The following CSNK2B variants were observed in gnomAD, a reference collection of about 807,000 sequenced individuals.
CSNK2B encodes casein kinase II subunit beta.
In CSNK2B, 2 loss-of-function variants were observed where a neutral mutation model predicts 28.8. That is an observed-to-expected ratio of 0.07 (90% CI 0.03 to 0.22). CSNK2B has a LOEUF of 0.22. CSNK2B is among the 10% of genes least tolerant of loss of function. The probability of loss-of-function intolerance (pLI) is 1.00; values close to 1 mark genes in which losing one functional copy is unlikely to be tolerated. For synonymous variants in CSNK2B, 89 were observed against 96.1 expected, an observed-to-expected ratio of 0.93 and a Z score of 0.43; for missense variants, 107 against 277.9, an observed-to-expected ratio of 0.39 and a Z score of 4.37.
Position 31,666,101 on chromosome 6 carries a change from A to T in CSNK2B, c.-119A>T, listed in dbSNP as rs1162809123. On this transcript the variant is annotated 5_prime_UTR_variant, in exon 1 of 7. Transcript: ENST00000375882. ...CCCTAATTTCCACTCCCCCCACCCC[A>T]CTTCGCCTGCCGCGGTCGGGTCCGC... The T allele has an allele frequency of 1.0e-6, 1 of 965,662 alleles. No individual in the cohort carries two copies. The highest frequency in any genetic ancestry group is 4.5e-5 in the South Asian group (1 of 22,276). 59.8% of individuals were successfully genotyped at this position (965,662 alleles called of 1,614,324 possible). A position where few individuals can be genotyped will look rare whatever the true frequency, so the allele number is the denominator to read the frequency against.
chr6:31,669,607 C>T lies in CSNK2B; in HGVS notation c.557+99C>T. On this transcript the variant is annotated intron_variant, in intron 6 of 6. Coordinates refer to ENST00000375882, the MANE Select transcript of CSNK2B (RefSeq NM_001320.7). This position sits in a 1 kb window ranked among gnomAD's most constrained non-coding sequence, Gnocchi z 4.8. ...GGCCCTTTCTTGAGGTCTGCTTCTCCCAGAATCAGGGCATCTCCCTGCTGA... is the reference window on the plus strand; with the variant it reads ...GGCCCTTTCTTGAGGTCTGCTTCTCTCAGAATCAGGGCATCTCCCTGCTGA... 1 of 1,345,690 alleles carries T rather than the reference C, an allele frequency of 7.4e-7. No individual in the cohort carries two copies. Among genetic ancestry groups the T allele is most frequent in the Non-Finnish European group, 1.0e-6 (1 of 983,122 alleles). The allele number at this position is 1,345,690 out of a possible 1,614,324, so 83.4% of individuals were successfully genotyped here. A position where few individuals can be genotyped will look rare whatever the true frequency, so the allele number is the denominator to read the frequency against.
intron 3 of CSNK2B, 28 bp from the exon 4 acceptor site, chr6:31,668,511 A>C (rs772204522): frequency 6.3e-7 from 1 of 1,593,744 alleles, no homozygotes; most frequent in South Asian, 1.1e-5. Flanking sequence ...AAAAACAAGT[A>C]GTTGCATTTG....
At chr6:31,668,711 T>A in intron 4 of CSNK2B, 57 bp downstream of exon 4, 1 of 1,497,186 alleles carries the variant, frequency 6.7e-7, no homozygotes, top group Non-Finnish European at 9.3e-7. Flanking sequence ...CACAGGTTCC[T>A]GCAGCAAGAA....
Position 31,669,807 on chromosome 6 carries a change from C to A in CSNK2B, c.558-29C>A, listed in dbSNP as rs570941441. 4.4e-6 allele frequency: 7 copies of A among 1,584,554 alleles called. No homozygotes were observed. The East Asian group carries it at 1.6e-4, about 35-fold the overall frequency. On this transcript the variant is annotated intron_variant, in intron 6 of 6. Coordinates refer to ENST00000375882, the MANE Select transcript of CSNK2B (RefSeq NM_001320.7). The surrounding 1 kb of genome is among the most constrained non-coding windows in gnomAD (Gnocchi z 4.8). ...CAGGGCCTGGATGGGGCTCATGCTG[C>A]TGCCTCTCTGACCTCTGCCCTGGCC...
In CSNK2B at chr6:31,666,122, T is replaced by C; in HGVS notation, c.-98T>C. On this transcript the variant is annotated 5_prime_UTR_variant, in exon 1 of 7. Coordinates refer to ENST00000375882, the MANE Select transcript of CSNK2B (RefSeq NM_001320.7). Reference sequence around the variant, plus strand: ...CCCCACTTCGCCTGCCGCGGTCGGGTCCGCGGCCTGCGCTGTAGCGGTCGC... The same window carrying C: ...CCCCACTTCGCCTGCCGCGGTCGGGCCCGCGGCCTGCGCTGTAGCGGTCGC... The C allele has an allele frequency of 1.0e-6, 1 of 993,338 alleles. No homozygotes were observed. Among genetic ancestry groups the C allele is most frequent in the Non-Finnish European group, 1.2e-6 (1 of 833,642 alleles). The allele number at this position is 993,338 out of a possible 1,614,324, so 61.5% of individuals were successfully genotyped here.
At chr6:31,667,759 C>T in intron 2 of CSNK2B, 109 bp from the exon 3 acceptor site, 1 of 539,044 alleles carries the variant, frequency 1.9e-6, no homozygotes, top group Non-Finnish European at 3.2e-6. Context: ...GAGAAACAAG[C>T]ACAACAGATG....
intron 3 of CSNK2B, 200 bp downstream of exon 3, chr6:31,668,170 G>A (rs1034640764): frequency 2.2e-5 from 14 of 629,020 alleles, no homozygotes; most frequent in African/African-American, 4.1e-5. Context: ...TTCTAAATCC[G>A]CAATTCAGAC....
At chr6:31,666,674 T>A (rs1257344091) in intron 1 of CSNK2B, 147 bp from the exon 2 acceptor site, 3 of 621,456 alleles carry the variant, frequency 4.8e-6, no homozygotes, top group Non-Finnish European at 8.6e-6. Flanking sequence ...TTAGAGGAGC[T>A]GGAGAGGAGT....
chr6:31,670,000 G>C lies in CSNK2B; in HGVS notation c.*74G>C. Reference sequence around the variant, plus strand: ...GCCACCCTTTCAGGAACCCTGTATGGTTTTTAGTTTAAATTAAAGGAGTCG... The same window carrying C: ...GCCACCCTTTCAGGAACCCTGTATGCTTTTTAGTTTAAATTAAAGGAGTCG... On this transcript the variant is annotated 3_prime_UTR_variant, in exon 7 of 7. Transcript: ENST00000375882. This position sits in a 1 kb window ranked among gnomAD's most constrained non-coding sequence, Gnocchi z 4.8. 1 of 1,249,166 alleles carries C rather than the reference G, an allele frequency of 8.0e-7. No homozygotes were observed. Among genetic ancestry groups the C allele is most frequent in the Non-Finnish European group, 1.1e-6 (1 of 901,164 alleles). The allele number at this position is 1,249,166 out of a possible 1,614,324, so 77.4% of individuals were successfully genotyped here.
chr6:31,667,730 C>T (rs1416737676), intron 2 of CSNK2B, 138 bp from the exon 3 acceptor site: 3 of 494,852 alleles, frequency 6.1e-6, no homozygotes, highest in Non-Finnish European at 1.1e-5. Flanking sequence ...GACACAAGTA[C>T]TTCTGCTGAG....
At chr6:31,667,029 C>G in intron 2 of CSNK2B, 126 bp downstream of exon 2, 1 of 865,752 alleles carries the variant, frequency 1.2e-6, no homozygotes, top group Non-Finnish European at 1.9e-6. Flanking sequence ...AGCAAAGAGT[C>G]CCCCCTATAA....
In CSNK2B at chr6:31,669,929, C is replaced by A. The variant is rs370990220; in HGVS notation, c.*3C>A. ...GCCCAGTCAAGACGATTCGCTGATT[C>A]CCTCCCCCACCTGTCCTGCAGTCTT... On this transcript the variant is annotated 3_prime_UTR_variant, in exon 7 of 7. Transcript: ENST00000375882. This position sits in a 1 kb window ranked among gnomAD's most constrained non-coding sequence, Gnocchi z 4.8. 6.2e-7 allele frequency: 1 copy of A among 1,611,596 alleles called. No homozygotes were observed. The highest frequency in any genetic ancestry group is 8.5e-7 in the Non-Finnish European group (1 of 1,179,300).
chr6:31,668,136 A>T (rs1312991621), intron 3 of CSNK2B, 166 bp downstream of exon 3: 1 of 680,820 alleles, frequency 1.5e-6, no homozygotes, highest in Non-Finnish European at 2.7e-6. Context: ...TAGTTTTGTG[A>T]CGTATATCAC....
chr6:31,666,246 G>T, intron 1 of CSNK2B, 38 bp downstream of exon 1: 2 of 951,258 alleles, frequency 2.1e-6, no homozygotes, highest in South Asian at 4.6e-5. Context: ...GTCCCTTGTC[G>T]CTGGGAGCGG....
rs1802035398 is a variant in CSNK2B at position 31,669,552 on chromosome 6, A to G, written c.557+44A>G. Reference sequence around the variant, plus strand: ...CATTAAGGGTCAAAGGAAAGGCCCAAGATCCCCCAGAGAGGGGAGGACAGG... The same window carrying G: ...CATTAAGGGTCAAAGGAAAGGCCCAGGATCCCCCAGAGAGGGGAGGACAGG... On this transcript the variant is annotated intron_variant, in intron 6 of 6. Transcript: ENST00000375882. The surrounding 1 kb of genome is among the most constrained non-coding windows in gnomAD (Gnocchi z 4.8). 2 of 1,577,860 alleles carry G rather than the reference A, an allele frequency of 1.3e-6. No homozygotes were observed. The highest frequency in any genetic ancestry group is 8.6e-7 in the Non-Finnish European group (1 of 1,165,904).
chr6:31,669,944 C>T lies in CSNK2B; in HGVS notation c.*18C>T. On this transcript the variant is annotated 3_prime_UTR_variant, in exon 7 of 7. Coordinates refer to ENST00000375882, the MANE Select transcript of CSNK2B (RefSeq NM_001320.7). This position sits in a 1 kb window ranked among gnomAD's most constrained non-coding sequence, Gnocchi z 4.8. ...TTCGCTGATTCCCTCCCCCACCTGT[C>T]CTGCAGTCTTTGACTTTTCCTTTCT... 6.2e-7 allele frequency: 1 copy of T among 1,604,806 alleles called. No homozygotes were observed. Among genetic ancestry groups the T allele is most frequent in the Non-Finnish European group, 8.5e-7 (1 of 1,175,870 alleles).
chr6:31,668,975 G>C (rs1357363586), intron 4 of CSNK2B, 122 bp from the exon 5 acceptor site: 4 of 721,612 alleles, frequency 5.5e-6, no homozygotes, highest in Non-Finnish European at 9.7e-6. Context: ...ATCTAGTCCA[G>C]AGAAGGGGCC....
chr6:31,666,259 C>T, intron 1 of CSNK2B, 51 bp downstream of exon 1: 2 of 908,396 alleles, frequency 2.2e-6, no homozygotes, highest in African/African-American at 3.6e-5. Context: ...GGGAGCGGCA[C>T]ATGGGGTCTC....
In CSNK2B at chr6:31,669,009, G is replaced by A. The variant is rs1801990969; in HGVS notation, c.292-88G>A. On this transcript the variant is annotated intron_variant, in intron 4 of 6. Transcript: ENST00000375882. This position sits in a 1 kb window ranked among gnomAD's most constrained non-coding sequence, Gnocchi z 4.8. ...CCTCTGGACAGAGGTGGGAGGAGTGGGGGACAGAGTGGTATGGGTTGGGCT... is the reference window on the plus strand; with the variant it reads ...CCTCTGGACAGAGGTGGGAGGAGTGAGGGACAGAGTGGTATGGGTTGGGCT... 2.1e-6 allele frequency: 2 copies of A among 943,710 alleles called. No homozygotes were observed. The highest frequency in any genetic ancestry group is 3.6e-5 in the Admixed American group (2 of 55,724). The allele number at this position is 943,710 out of a possible 1,614,324, so 58.5% of individuals were successfully genotyped here.
Sources: allele counts gnomAD v4.1 joint callset, GRCh38; gene constraint gnomAD v4.1.1; non-coding constraint Gnocchi (gnomAD v3.1); transcripts MANE v1.5; gene names NCBI Gene and HGNC (gene_info 2026-07-23, HGNC 2026-07-21).